The following FLOT2 variants were observed in gnomAD, a reference collection of about 807,000 sequenced individuals.
The protein encoded by FLOT2 is flotillin 2.
In FLOT2, 35 loss-of-function variants were observed where a neutral mutation model predicts 54.9. That is an observed-to-expected ratio of 0.64 (90% CI 0.49 to 0.84). FLOT2 has a LOEUF of 0.84. Ranked by LOEUF, FLOT2 falls within the 40% of genes least tolerant of loss-of-function variation. The pLI, the probability that FLOT2 is intolerant of heterozygous loss-of-function variation, is 0.00. For missense variants in FLOT2, 464 were observed against 572.1 expected (o/e 0.81, Z 1.93); for synonymous variants, 207 against 228.9 (o/e 0.90, Z 0.86).
intron 2 of FLOT2, chr17:28,886,051 C>CG (rs2039538778): frequency 1.2e-4 from 48 of 410,400 alleles, no homozygotes; most frequent in South Asian, 2.0e-4. Flanking sequence ...TGCCTGACGC[C>CG]TGGGGGCGGG....
At position 28,880,399 on chromosome 17, in the gene FLOT2, G is replaced by C; in HGVS notation, c.*162C>G. ...GGAAGAGGAGGAGGTGGACAGACAG[G>C]AGAGACAGGAAGACAGCCAGAGATG... On this transcript the variant is annotated 3_prime_UTR_variant, in exon 11 of 11. Coordinates refer to ENST00000394908, the MANE Select transcript of FLOT2 (RefSeq NM_004475.3). 6.7e-7 allele frequency: 1 copy of C among 1,486,942 alleles called. No homozygotes were observed. The highest frequency in any genetic ancestry group is 1.4e-5 in the South Asian group (1 of 71,476). 92.1% of individuals were successfully genotyped at this position (1,486,942 alleles called of 1,614,324 possible).
At chr17:28,887,921 C>T (rs2039577024) in intron 2 of FLOT2, among the ~76,000 whole-genome samples, 1 of 152,160 alleles carries the variant, frequency 6.6e-6, no homozygotes, top group South Asian at 2.1e-4. Flanking sequence ...TGAAGTTAAT[C>T]CATTGTGCCA....
chr17:28,881,141 TGTCAA>T lies in FLOT2; in HGVS notation c.1098+46_1098+50del, dbSNP rs765406723. 2.6e-6 allele frequency: 4 copies of T among 1,544,458 alleles called. No individual in the cohort carries two copies. In the East Asian group the frequency reaches 9.3e-5, roughly 36 times the overall value. ...GAGAAGTTCTGGCACTTGCCCAGCT[TGTCAA>T]GCAAGGACACTTGAACCCTAGGACC... On this transcript the variant is annotated intron_variant, in intron 9 of 10. Transcript: ENST00000394908.
At position 28,882,776 on chromosome 17, in the gene FLOT2, G is replaced by T; in HGVS notation, c.347-85C>A. 1 of 891,862 alleles carries T rather than the reference G, an allele frequency of 1.1e-6. No individual in the cohort carries two copies. Among genetic ancestry groups the T allele is most frequent in the Non-Finnish European group, 1.8e-6 (1 of 545,106 alleles). 55.2% of individuals were successfully genotyped at this position (891,862 alleles called of 1,614,324 possible). A position where few individuals can be genotyped will look rare whatever the true frequency, so the allele number is the denominator to read the frequency against. On this transcript the variant is annotated intron_variant, in intron 4 of 10. Transcript: ENST00000394908. This position sits in a 1 kb window ranked among gnomAD's most constrained non-coding sequence, Gnocchi z 5.6. The stretch of plus-strand genomic sequence containing the variant: ...GAGGCATGCATGTAGAGGTAGGGGT[G>T]CATGCGGGGTGCTGCACTCTGAGCT...
Position 28,888,959 on chromosome 17 carries a change from G to C in FLOT2, c.117C>G (p.Ile39Met). The change falls in exon 2 of 11, where the codon ATC becomes ATG. Residue 39 changes from isoleucine to methionine, a missense_variant. Ile to Met is a conservative substitution (Grantham distance 10). Coordinates refer to ENST00000394908, the MANE Select transcript of FLOT2 (RefSeq NM_004475.3). Reference protein sequence around the residue: ...FGGWAWAWWCISDTQRISLEI... With the variant: ...FGGWAWAWWCMSDTQRISLEI... ...CAGGTGCTTACCTCTGAGTGTCGGA[G>C]ATACACCACCAGGCCCAGGCCCAGC... 6.2e-7 allele frequency: 1 copy of C among 1,614,082 alleles called. No homozygotes were observed. The highest frequency in any genetic ancestry group is 8.5e-7 in the Non-Finnish European group (1 of 1,179,976).
In FLOT2 at chr17:28,882,486, G is replaced by A; in HGVS notation, c.466-36C>T. The A allele has an allele frequency of 6.3e-7, 1 of 1,599,642 alleles. No homozygotes were observed. The highest frequency in any genetic ancestry group is 2.2e-5 in the East Asian group (1 of 44,820). Reference sequence around the variant, plus strand: ...AAGGGGGTATCAGAGGCTCAAAGGAGCAGCCAGAGGCACAAAGGTGCCCCT... The same window carrying A: ...AAGGGGGTATCAGAGGCTCAAAGGAACAGCCAGAGGCACAAAGGTGCCCCT... On this transcript the variant is annotated intron_variant, in intron 5 of 10. Coordinates refer to ENST00000394908, the MANE Select transcript of FLOT2 (RefSeq NM_004475.3). This position sits in a 1 kb window ranked among gnomAD's most constrained non-coding sequence, Gnocchi z 5.6.
intron 1 of FLOT2, 43 bp from the exon 2 acceptor site, chr17:28,889,069 G>T: frequency 6.4e-7 from 1 of 1,560,682 alleles, no homozygotes; most frequent in Non-Finnish European, 8.8e-7. Flanking sequence ...CGGTTCTTGG[G>T]TCTGTCTACC....
rs765503872 is a variant in FLOT2, at chr17:28,880,880, G to A, written c.1099-18C>T. The stretch of plus-strand genomic sequence containing the variant: ...GCAGCAATCTAGGAGGTAAGAGTGG[G>A]AGGACAGCCTGGTTGGCGCTGACTC... On this transcript the variant is annotated intron_variant, in intron 9 of 10. Coordinates refer to ENST00000394908, the MANE Select transcript of FLOT2 (RefSeq NM_004475.3). The A allele has an allele frequency of 1.2e-5, 20 of 1,613,626 alleles. No homozygotes were observed. The highest frequency in any genetic ancestry group is 1.7e-5 in the Admixed American group (1 of 59,992).
Position 28,883,169 on chromosome 17 carries a change from A to T in FLOT2, c.285T>A (p.Asn95Lys). Reference sequence around the variant, plus strand: ...GGACGACGTTTTTGATGTCCTGCACATTCTTACCCAGAAACTGCTCACAAG... The same window carrying T: ...GGACGACGTTTTTGATGTCCTGCACTTTCTTACCCAGAAACTGCTCACAAG... ...AVACEQFLGKNVQDIKNVVLQ... is the reference protein window; with the variant it reads ...AVACEQFLGKKVQDIKNVVLQ... Residue 95 changes from asparagine (N) to lysine (K), a missense_variant, in exon 4 of 11, where the codon AAT (asparagine) becomes AAA (lysine). By Grantham distance (94) the Asn-to-Lys change is moderately conservative. Transcript: ENST00000394908. This position sits in a 1 kb window ranked among gnomAD's most constrained non-coding sequence, Gnocchi z 5.0. The T allele has an allele frequency of 6.2e-7, 1 of 1,614,010 alleles. No individual in the cohort carries two copies. The highest frequency in any genetic ancestry group is 2.2e-5 in the East Asian group (1 of 44,850).
At chr17:28,894,068 CTA>C (rs1173111220) in intron 1 of FLOT2, among the ~76,000 whole-genome samples, 1 of 152,250 alleles carries the variant, frequency 6.6e-6, no homozygotes, top group Non-Finnish European at 1.5e-5. Context: ...TGTTACATCA[CTA>C]TGTTGCACAA....
rs1339443044 is a variant in FLOT2 at position 28,884,441 on chromosome 17, C to T, written c.132-126G>A. ...AGGAAGGTGGAGGGAGGACTCTCCACGGGGCTGAGATGGGAGTGTCTGAGA... is the reference window on the plus strand; with the variant it reads ...AGGAAGGTGGAGGGAGGACTCTCCATGGGGCTGAGATGGGAGTGTCTGAGA... On this transcript the variant is annotated intron_variant, in intron 2 of 10. Transcript: ENST00000394908. The surrounding 1 kb of genome is among the most constrained non-coding windows in gnomAD (Gnocchi z 5.1). 9.6e-6 allele frequency: 6 copies of T among 627,096 alleles called. No homozygotes were observed. The highest frequency in any genetic ancestry group is 3.7e-5 in the South Asian group (2 of 54,116). The allele number at this position is 627,096 out of a possible 1,614,324, so 38.8% of individuals were successfully genotyped here.
Position 28,879,678 on chromosome 17 carries a change from T to A in FLOT2, c.*883A>T, listed in dbSNP as rs997314248. The A allele has an allele frequency of 2.9e-5, 29 of 985,916 alleles. No homozygotes were observed. Among genetic ancestry groups the A allele is most frequent in the Non-Finnish European group, 2.9e-5 (24 of 830,102 alleles). 61.1% of individuals were successfully genotyped at this position (985,916 alleles called of 1,614,324 possible). A position where few individuals can be genotyped will look rare whatever the true frequency, so the allele number is the denominator to read the frequency against. On this transcript the variant is annotated 3_prime_UTR_variant, in exon 11 of 11. Coordinates refer to ENST00000394908, the MANE Select transcript of FLOT2 (RefSeq NM_004475.3). Reference sequence around the variant, plus strand: ...ATTCTGTACAGGGTTGGCACAGCCTTGTCCACCAGAAGGGCCCAACACCCA... The same window carrying A: ...ATTCTGTACAGGGTTGGCACAGCCTAGTCCACCAGAAGGGCCCAACACCCA...
intron 2 of FLOT2, among the ~76,000 whole-genome samples, chr17:28,886,295 C>T (rs2039546080): frequency 6.6e-6 from 1 of 152,214 alleles, no homozygotes; most frequent in Non-Finnish European, 1.5e-5. Context: ...CCTCACTTTC[C>T]CAGGGATCCT....
intron 10 of FLOT2, 47 bp downstream of exon 10, chr17:28,880,666 C>T (rs1027354481): frequency 2.5e-6 from 4 of 1,613,750 alleles, no homozygotes; most frequent in African/African-American, 1.3e-5. Flanking sequence ...CTGGGCCAGT[C>T]CGACGGGCTA....
Position 28,884,720 on chromosome 17 carries a change from C to G in FLOT2, c.132-405G>C, listed in dbSNP as rs891386075. On this transcript the variant is annotated intron_variant, in intron 2 of 10. Transcript: ENST00000394908. This position sits in a 1 kb window ranked among gnomAD's most constrained non-coding sequence, Gnocchi z 5.1. Reference sequence around the variant, plus strand: ...CCATCCGTGGATGTCAACTGAGCCTCCCACAGGGGCCCTTGCCCATTCCTT... The same window carrying G: ...CCATCCGTGGATGTCAACTGAGCCTGCCACAGGGGCCCTTGCCCATTCCTT... 2.6e-5 allele frequency among the ~76,000 whole-genome samples: 4 copies of G among 152,170 alleles called. No homozygotes were observed. Among genetic ancestry groups the G allele is most frequent in the African/African-American group, 9.7e-5 (4 of 41,422 alleles).
Position 28,884,265 on chromosome 17 carries a change from GT to G in FLOT2, c.181del (p.Thr61ArgfsTer5), listed in dbSNP as rs761143929. ...TLQPRCEDVE[T>X]AEGVALTVTG... is the part of the protein sequence containing the mutation. ...CACAGTTAAAGCTACCCCCTCGGCC[GT>G]CTCTACGTCCTCGCAGCGGGGCTGC... On this transcript the variant is annotated frameshift_variant, in exon 3 of 11. Transcript: ENST00000394908. LOFTEE classifies it high-confidence loss of function. The surrounding 1 kb of genome is among the most constrained non-coding windows in gnomAD (Gnocchi z 5.1). 3.7e-6 allele frequency: 6 copies of G among 1,613,456 alleles called. No homozygotes were observed. The highest frequency in any genetic ancestry group is 4.2e-6 in the Non-Finnish European group (5 of 1,179,712).
Position 28,897,340 on chromosome 17 carries a change from C to T in FLOT2, c.49+186G>A, listed in dbSNP as rs1039569018. The T allele has an allele frequency of 1.8e-5, 10 of 549,432 alleles. No homozygotes were observed. The highest frequency in any genetic ancestry group is 8.0e-5 in the African/African-American group (4 of 49,896). 34.0% of individuals were successfully genotyped at this position (549,432 alleles called of 1,614,324 possible). ...GGAGGGGGAGCCCCTGGTGGGTGCC[C>T]GAGGGTGCGCAGCAAGGAAAGCGTG... On this transcript the variant is annotated intron_variant, in intron 1 of 10. Transcript: ENST00000394908. This position sits in a 1 kb window ranked among gnomAD's most constrained non-coding sequence, Gnocchi z 4.4.
At chr17:28,895,061 G>C (rs997679269) in intron 1 of FLOT2, among the ~76,000 whole-genome samples, 1 of 150,880 alleles carries the variant, frequency 6.6e-6, no homozygotes, top group African/African-American at 2.4e-5. Flanking sequence ...ACAGGTATGT[G>C]CCACCACTCC....
At position 28,889,059 on chromosome 17, in the gene FLOT2, C is replaced by T. The variant is rs763921182; in HGVS notation, c.50-33G>A. ...GCAAAGCAAACCACCGCAAGTCAGT[C>T]GGTTCTTGGGTCTGTCTACCCTCCA... On this transcript the variant is annotated intron_variant, in intron 1 of 10. Coordinates refer to ENST00000394908, the MANE Select transcript of FLOT2 (RefSeq NM_004475.3). The T allele has an allele frequency of 7.0e-5, 112 of 1,596,850 alleles. 2 individuals are homozygous for T. The highest frequency in any genetic ancestry group is 3.0e-4 in the South Asian group (27 of 90,414).
Sources: allele counts gnomAD v4.1 joint callset (sites outside exome capture counted in the v4.1 genomes callset), GRCh38; gene constraint gnomAD v4.1.1; non-coding constraint Gnocchi (gnomAD v3.1); transcripts MANE v1.5; gene names NCBI Gene and HGNC (gene_info 2026-07-23, HGNC 2026-07-21).